The following ZNF236 variants were observed in gnomAD, a reference collection of about 807,000 sequenced individuals.
ZNF236 encodes the protein regulated by glucose.
ZNF236 carries 50 observed loss-of-function variants against 191.2 expected under a neutral mutation model. The ratio of observed to expected loss-of-function variants is 0.26; its 90% CI spans 0.21 to 0.33. The LOEUF is 0.33. Ranked by LOEUF, ZNF236 falls within the 10% of genes least tolerant of loss-of-function variation. The probability of loss-of-function intolerance (pLI) is 1.00; values close to 1 mark genes in which losing one functional copy is unlikely to be tolerated. For synonymous variants in ZNF236, 907 were observed against 928.8 expected, an observed-to-expected ratio of 0.98 and a Z score of 0.43; for missense variants, 1,754 against 2,374.5, an observed-to-expected ratio of 0.74 and a Z score of 5.43.
intron 27 of ZNF236, among the ~76,000 whole-genome samples, chr18:76,954,462 C>T (rs1366650110): frequency 6.6e-6 from 1 of 152,236 alleles, no homozygotes; most frequent in African/African-American, 2.4e-5. Flanking sequence ...TGCAGTTACA[C>T]AACCAGCCTT....
chr18:76,964,605 T>C (rs1206693626), intron 30 of ZNF236, among the ~76,000 whole-genome samples: 1 of 152,222 alleles, frequency 6.6e-6, no homozygotes, highest in Non-Finnish European at 1.5e-5. Flanking sequence ...TTTAAATCCA[T>C]TTTTTCTTTT....
chr18:76,904,872 G>A (rs1039537344), intron 12 of ZNF236, among the ~76,000 whole-genome samples: 3 of 152,256 alleles, frequency 2.0e-5, no homozygotes, highest in South Asian at 2.1e-4. Context: ...AAAGGAAGTC[G>A]AACCTTGATC....
Position 76,890,799 on chromosome 18 carries a change from T to C in ZNF236, c.1418-4214T>C, listed in dbSNP as rs189121676. ...CATTTTGTGAGCTATATTTGTGGGA[T>C]ACAGTTTACTCCTAGACAACACAAA... On this transcript the variant is annotated intron_variant, in intron 9 of 30. Coordinates refer to ENST00000320610, the MANE Select transcript of ZNF236 (RefSeq NM_001306089.2). Among the ~76,000 whole-genome samples the C allele has an allele frequency of 1.6e-3, 241 of 152,264 alleles. 3 individuals carry two copies. Among genetic ancestry groups the C allele is most frequent in the African/African-American group, 5.2e-3 (216 of 41,526 alleles).
In ZNF236 at chr18:76,880,541, TA is replaced by T. The variant is rs550930463; in HGVS notation, c.1188+226del. ...CATTAAAAAAAAAATCACAAACTTTTATTTTTTTTCCATAAGTGAACTTTAC... is the reference window on the plus strand; with the variant it reads ...CATTAAAAAAAAAATCACAAACTTTTTTTTTTTTCCATAAGTGAACTTTAC... On this transcript the variant is annotated intron_variant, in intron 8 of 30. Transcript: ENST00000320610. This position sits in a 1 kb window ranked among gnomAD's most constrained non-coding sequence, Gnocchi z 5.0. Among the ~76,000 whole-genome samples, 25 of 152,226 alleles carry T rather than the reference TA, an allele frequency of 1.6e-4. No homozygotes were observed. The highest frequency in any genetic ancestry group is 2.9e-4 in the Non-Finnish European group (20 of 68,032).
chr18:76,949,125 C>T (rs964587106), intron 27 of ZNF236, among the ~76,000 whole-genome samples: 3 of 152,220 alleles, frequency 2.0e-5, no homozygotes, highest in Non-Finnish European at 2.9e-5. Context: ...CTCTCTTTCT[C>T]ATGATGCTTT....
rs767935094 is a variant in ZNF236 at position 76,937,331 on chromosome 18, C to T, written c.4770C>T (p.Asn1590=). The part of the protein sequence containing the change: ...LSGGLDTVTL[N]ITSQGQQFPA... ...GAGGCCTGGACACTGTCACACTCAA[C>T]ATCACCTCTCAGGCAAGTGCTCCTC... Residue 1590 remains asparagine, a synonymous_variant, in exon 26 of 31, where the codon AAC becomes AAT. Coordinates refer to ENST00000320610, the MANE Select transcript of ZNF236 (RefSeq NM_001306089.2). 1.2e-6 allele frequency: 2 copies of T among 1,610,432 alleles called. No individual in the cohort carries two copies. Among genetic ancestry groups the T allele is most frequent in the South Asian group, 2.2e-5 (2 of 90,814 alleles).
chr18:76,917,977 C>T (rs560416135), intron 19 of ZNF236, among the ~76,000 whole-genome samples: 9 of 152,244 alleles, frequency 5.9e-5, no homozygotes, highest in African/African-American at 2.2e-4. Context: ...TCTTCCCTCC[C>T]CAATCCCCTC....
chr18:76,846,094 A>T (rs1428962832), intron 1 of ZNF236, among the ~76,000 whole-genome samples: 1 of 152,204 alleles, frequency 6.6e-6, no homozygotes, highest in Non-Finnish European at 1.5e-5. Flanking sequence ...AAAAGCCCTT[A>T]TCTAAGGATG....
chr18:76,832,515 T>G (rs1440695291), intron 1 of ZNF236, among the ~76,000 whole-genome samples: 2 of 152,172 alleles, frequency 1.3e-5, no homozygotes, highest in Non-Finnish European at 2.9e-5. Context: ...TTTTTGTCTT[T>G]TTTTTACATG....
intron 1 of ZNF236, among the ~76,000 whole-genome samples, chr18:76,823,034 G>T (rs1289091198): frequency 2.0e-5 from 3 of 149,432 alleles, no homozygotes; most frequent in African/African-American, 7.3e-5. Context: ...CCGTCCCGGG[G>T]CCGGAGGGCC....
chr18:76,901,433 A>G (rs1977589314), intron 11 of ZNF236, among the ~76,000 whole-genome samples: 1 of 152,188 alleles, frequency 6.6e-6, no homozygotes, highest in African/African-American at 2.4e-5. Context: ...TACACAACAA[A>G]TTGACAAGAT....
intron 9 of ZNF236, among the ~76,000 whole-genome samples, chr18:76,890,446 T>C (rs1377376467): frequency 6.6e-6 from 1 of 152,208 alleles, no homozygotes; most frequent in Non-Finnish European, 1.5e-5. Context: ...TGATAACAAA[T>C]GAAAAGGATT....
intron 28 of ZNF236, among the ~76,000 whole-genome samples, chr18:76,958,980 T>C (rs1968594284): frequency 6.6e-6 from 1 of 152,236 alleles, no homozygotes; most frequent in African/African-American, 2.4e-5. Flanking sequence ...ATAATTATTA[T>C]GCTTCTGCAA....
intron 10 of ZNF236, among the ~76,000 whole-genome samples, chr18:76,897,088 C>T (rs985272731): frequency 2.7e-5 from 4 of 150,428 alleles, no homozygotes; most frequent in Non-Finnish European, 5.9e-5. Flanking sequence ...CAGGTACTGC[C>T]CATAGGGACT....
chr18:76,938,741 G>T (rs1968061596), intron 26 of ZNF236, among the ~76,000 whole-genome samples: 3 of 152,132 alleles, frequency 2.0e-5, no homozygotes, highest in Admixed American at 2.0e-4. Context: ...GCACGCCAGG[G>T]TTCCTGCTCA....
At chr18:76,868,904 TA>T in intron 4 of ZNF236, 41 bp downstream of exon 4, 15 of 1,542,620 alleles carry the variant, frequency 9.7e-6, no homozygotes, top group Non-Finnish European at 1.2e-5. Context: ...ATCCATCTAA[TA>T]TGTTAAAAGC....
intron 3 of ZNF236, among the ~76,000 whole-genome samples, chr18:76,865,185 A>C (rs1976372245): frequency 6.6e-6 from 1 of 152,106 alleles, no homozygotes. Flanking sequence ...AAAAATACAA[A>C]AATTAGCTGG....
chr18:76,956,278 T>C, intron 28 of ZNF236, 96 bp downstream of exon 28: 1 of 1,457,764 alleles, frequency 6.9e-7, no homozygotes, highest in Non-Finnish European at 9.2e-7. Flanking sequence ...TGGCATGTGT[T>C]TTTGAGGAAA....
intron 7 of ZNF236, among the ~76,000 whole-genome samples, chr18:76,878,575 A>G (rs1976781381): frequency 6.6e-6 from 1 of 152,236 alleles, no homozygotes; most frequent in Middle Eastern, 3.4e-3. Context: ...TAAAAATTGT[A>G]TGACTCTAAA....
Sources: allele counts gnomAD v4.1 joint callset (sites outside exome capture counted in the v4.1 genomes callset), GRCh38; gene constraint gnomAD v4.1.1; non-coding constraint Gnocchi (gnomAD v3.1); transcripts MANE v1.5; gene names NCBI Gene and HGNC (gene_info 2026-07-23, HGNC 2026-07-21).